CREBL2: variants seen among roughly 807,000 people sequenced by gnomAD.
The protein encoded by CREBL2 is cAMP-responsive element-binding protein-like 2.
In CREBL2, 4 loss-of-function variants were observed where a neutral mutation model predicts 19.5. The observed-to-expected ratio is 0.20, with a 90% CI of 0.10 to 0.47. CREBL2 has a LOEUF of 0.47. CREBL2 is among the 20% of genes least tolerant of loss of function. CREBL2 has a pLI of 0.98. For missense variants in CREBL2, 85 were observed against 145.1 expected, an observed-to-expected ratio of 0.59 and a Z score of 2.13; for synonymous variants, 42 against 46.6, an observed-to-expected ratio of 0.90 and a Z score of 0.40.
intron 1 of CREBL2, among the ~76,000 whole-genome samples, chr12:12,632,044 C>G (rs1029318704): frequency 2.1e-5 from 3 of 141,614 alleles, no homozygotes; most frequent in Non-Finnish European, 4.6e-5. Context: ...ATACAGAAAC[C>G]TTGGATTCAT....
rs1796312468 is a variant in CREBL2, at chr12:12,644,166, A to G, written c.*2168A>G. The G allele has an allele frequency of 6.6e-6, 1 of 152,434 alleles. No individual in the cohort carries two copies. The highest frequency in any genetic ancestry group is 2.4e-5 in the African/African-American group (1 of 41,448). 9.4% of individuals were successfully genotyped at this position (152,434 alleles called of 1,614,324 possible). The stretch of plus-strand genomic sequence containing the variant: ...GATGTATAATTTTGGGCGAAGTTAA[A>G]TTACAATTTATTTGAGGTTATTCCT... On this transcript the variant is annotated 3_prime_UTR_variant, in exon 4 of 4. Transcript: ENST00000228865.
chr12:12,614,467 C>CTTTT (rs34307341), intron 1 of CREBL2: 3 of 128,514 alleles, frequency 2.3e-5, no homozygotes, highest in African/African-American at 5.8e-5. Context: ...ATTTAGTTTC[C>CTTTT]TTTTTTTTTT....
At chr12:12,627,373 AAG>A (rs1317934064) in intron 1 of CREBL2, among the ~76,000 whole-genome samples, 11 of 152,280 alleles carry the variant, frequency 7.2e-5, no homozygotes, top group African/African-American at 2.6e-4. Flanking sequence ...AAAAGAAAAA[AAG>A]AAACTCTGAG....
At chr12:12,620,828 G>A (rs1945353436) in intron 1 of CREBL2, among the ~76,000 whole-genome samples, 1 of 152,166 alleles carries the variant, frequency 6.6e-6, no homozygotes, top group South Asian at 2.1e-4. Flanking sequence ...ACTGTTCTCA[G>A]GGAACATTTT....
intron 1 of CREBL2, among the ~76,000 whole-genome samples, chr12:12,634,899 A>AT (rs562672314): frequency 3.1e-4 from 45 of 146,116 alleles, no homozygotes; most frequent in South Asian, 1.3e-3. Flanking sequence ...CTACAAAGCG[A>AT]TTTTTTTTTT....
At position 12,635,957 on chromosome 12, in the gene CREBL2, A is replaced by G; in HGVS notation, c.196A>G (p.Arg66Gly). 1 of 1,613,808 alleles carries G rather than the reference A, an allele frequency of 6.2e-7. No individual in the cohort carries two copies. Among genetic ancestry groups the G allele is most frequent in the Non-Finnish European group, 8.5e-7 (1 of 1,179,906 alleles). ...TCGAGAAAGAGCTATATGTGCCCTC[A>G]GAGAGGAACTGGAAATGGTAAGAAA... Reference protein sequence around the residue: ...SSRERAICALREELEMYKQWC... With the variant: ...SSRERAICALGEELEMYKQWC... Residue 66 changes from arginine (R) to glycine (G), a missense_variant, in exon 2 of 4, where the codon AGA becomes GGA. Physicochemically the swap from Arg to Gly is moderately radical, Grantham distance 125. This residue lies in a region of CREBL2 where 22 missense variants were observed against 46.7 expected (regional missense o/e 0.47). Coordinates refer to ENST00000228865, the MANE Select transcript of CREBL2 (RefSeq NM_001310.4).
At chr12:12,639,955 A>G (rs1945505199) in intron 3 of CREBL2, among the ~76,000 whole-genome samples, 2 of 152,184 alleles carry the variant, frequency 1.3e-5, no homozygotes, top group Admixed American at 1.3e-4. Flanking sequence ...AACAAAGATC[A>G]CGTGCTTTTG....
At chr12:12,631,271 A>G (rs1405299839) in intron 1 of CREBL2, among the ~76,000 whole-genome samples, 2 of 152,206 alleles carry the variant, frequency 1.3e-5, no homozygotes, top group South Asian at 2.1e-4. Flanking sequence ...GATTGGAGGT[A>G]GGGAGACAGG....
chr12:12,633,167 C>T (rs1002638266), intron 1 of CREBL2, among the ~76,000 whole-genome samples: 30 of 152,104 alleles, frequency 2.0e-4, no homozygotes, highest in Admixed American at 3.9e-4. Context: ...GAATTCCTGA[C>T]CTCAGGTGAT....
intron 1 of CREBL2, among the ~76,000 whole-genome samples, chr12:12,626,091 G>A (rs1945399125): frequency 6.6e-6 from 1 of 152,126 alleles, no homozygotes; most frequent in Non-Finnish European, 1.5e-5. Flanking sequence ...CCGAATTTAT[G>A]TTTTTATTCT....
At position 12,643,527 on chromosome 12, in the gene CREBL2, A is replaced by T. The variant is rs1945542379; in HGVS notation, c.*1529A>T. ...CCGTAGTCTAGATTGTCTTTGAGGT[A>T]GAATATATGATGGACCACATAGTTT... On this transcript the variant is annotated 3_prime_UTR_variant, in exon 4 of 4. Transcript: ENST00000228865. 6.6e-6 allele frequency: 1 copy of T among 152,516 alleles called. No individual in the cohort carries two copies. Among genetic ancestry groups the T allele is most frequent in the Non-Finnish European group, 1.5e-5 (1 of 68,046 alleles). 9.4% of individuals were successfully genotyped at this position (152,516 alleles called of 1,614,324 possible).
intron 1 of CREBL2, among the ~76,000 whole-genome samples, chr12:12,622,369 C>G (rs1023404368): frequency 6.6e-6 from 1 of 152,032 alleles, no homozygotes; most frequent in African/African-American, 2.4e-5. Flanking sequence ...TAAAGAGAAC[C>G]CTGGAAAACT....
intron 3 of CREBL2, among the ~76,000 whole-genome samples, chr12:12,641,500 G>C (rs1204779613): frequency 7.3e-5 from 11 of 151,356 alleles, no homozygotes; most frequent in African/African-American, 2.2e-4. Context: ...GTAGAGACAG[G>C]GTTTCACCAT....
chr12:12,638,828 T>C (rs1945496245), intron 3 of CREBL2, among the ~76,000 whole-genome samples: 1 of 152,210 alleles, frequency 6.6e-6, no homozygotes, highest in African/African-American at 2.4e-5. Flanking sequence ...TGTTTTTAAT[T>C]GAGGTAAAAT....
intron 2 of CREBL2, 79 bp downstream of exon 2, chr12:12,636,053 GT>G (rs1945472576): frequency 3.1e-6 from 4 of 1,285,088 alleles, no homozygotes; most frequent in Non-Finnish European, 4.3e-6. Flanking sequence ...GAAAATACCA[GT>G]TATCACCTGT....
intron 1 of CREBL2, among the ~76,000 whole-genome samples, chr12:12,632,074 T>G (rs967070917): frequency 2.5e-5 from 3 of 120,968 alleles, no homozygotes; most frequent in Non-Finnish European, 3.4e-5. Context: ...CTTTCTTTTT[T>G]TTTTTTTTTT....
intron 1 of CREBL2, among the ~76,000 whole-genome samples, chr12:12,627,892 G>T (rs1945414391): frequency 6.6e-6 from 1 of 152,064 alleles, no homozygotes; most frequent in Non-Finnish European, 1.5e-5. Flanking sequence ...GTTACTGGTT[G>T]TCTTTTTTTT....
chr12:12,641,295 C>T (rs1945519860), intron 3 of CREBL2, among the ~76,000 whole-genome samples: 2 of 111,712 alleles, frequency 1.8e-5, no homozygotes, highest in Admixed American at 1.0e-4. Context: ...CCTCTGGGAG[C>T]ACAGAACAAT....
At chr12:12,625,332 CT>C (rs1945393720) in intron 1 of CREBL2, among the ~76,000 whole-genome samples, 1 of 152,094 alleles carries the variant, frequency 6.6e-6, no homozygotes, top group African/African-American at 2.4e-5. Context: ...ATTGGCATCA[CT>C]TTAGTGGGTG....
Sources: allele counts gnomAD v4.1 joint callset (sites outside exome capture counted in the v4.1 genomes callset), GRCh38; gene constraint gnomAD v4.1.1; regional missense constraint gnomAD v4.1.1; transcripts MANE v1.5; gene names NCBI Gene and HGNC (gene_info 2026-07-23, HGNC 2026-07-21).